BCAS3: variants seen among roughly 807,000 people sequenced by gnomAD.
BCAS3 encodes the protein BCAS3 microtubule associated cell migration factor.
In BCAS3, 53 loss-of-function variants were observed where a neutral mutation model predicts 116.1. The ratio of observed to expected loss-of-function variants is 0.46; its 90% CI spans 0.37 to 0.57. The LOEUF (loss-of-function observed/expected upper bound fraction) is 0.57, where lower values mean the gene tolerates loss of function less well. Among genes scored for constraint, BCAS3 ranks in the 20% least tolerant of loss-of-function variants. BCAS3 has a pLI of 0.00. For missense variants in BCAS3, 917 were observed against 1,165.4 expected, an observed-to-expected ratio of 0.79 and a Z score of 3.10; for synonymous variants, 391 against 408.2, an observed-to-expected ratio of 0.96 and a Z score of 0.51.
Position 61,213,359 on chromosome 17 carries a change from G to A in BCAS3, c.2425+128795G>A, listed in dbSNP as rs927928345. ...TAATTTTTGTATTTTTAGTAGAAAC[G>A]GGGTTTCACCAGCTTGGCCAGGCTG... On this transcript the variant is annotated intron_variant, in intron 22 of 23. Transcript: ENST00000407086. The surrounding 1 kb of genome is among the most constrained non-coding windows in gnomAD (Gnocchi z 5.4). 1.3e-5 allele frequency among the ~76,000 whole-genome samples: 2 copies of A among 151,884 alleles called. No individual in the cohort carries two copies. The highest frequency in any genetic ancestry group is 6.6e-5 in the Admixed American group (1 of 15,246).
chr17:61,080,651 T>A (rs771823627), intron 21 of BCAS3, among the ~76,000 whole-genome samples: 1 of 152,020 alleles, frequency 6.6e-6, no homozygotes, highest in Non-Finnish European at 1.5e-5. Flanking sequence ...TCCCAGCTAC[T>A]CGGGAGGCTG....
rs547082068 is a variant in BCAS3 at position 60,964,629 on chromosome 17, A to G, written c.1221+17277A>G. 6.6e-6 allele frequency among the ~76,000 whole-genome samples: 1 copy of G among 152,144 alleles called. No individual in the cohort carries two copies. The highest frequency in any genetic ancestry group is 2.1e-4 in the South Asian group (1 of 4,818). ...TACAATTGGTATTAATTCTTCTTTA[A>G]ATGTTTGGTAGAATTCAGCAGTGAA... is the stretch of plus-strand genomic sequence containing the variant. On this transcript the variant is annotated intron_variant, in intron 14 of 23. Coordinates refer to ENST00000407086, the MANE Select transcript of BCAS3 (RefSeq NM_017679.5). The surrounding 1 kb of genome is among the most constrained non-coding windows in gnomAD (Gnocchi z 4.6).
chr17:61,333,743 C>G lies in BCAS3; in HGVS notation c.2426-34584C>G, dbSNP rs1735758632. On this transcript the variant is annotated intron_variant, in intron 22 of 23. Transcript: ENST00000407086. The surrounding 1 kb of genome is among the most constrained non-coding windows in gnomAD (Gnocchi z 4.8). Reference sequence around the variant, plus strand: ...TCAAGCGATTCTCCTGCCTCAGCCTCCCGAGTAGCTGGGATTACAGGGGCA... The same window carrying G: ...TCAAGCGATTCTCCTGCCTCAGCCTGCCGAGTAGCTGGGATTACAGGGGCA... 6.6e-6 allele frequency among the ~76,000 whole-genome samples: 1 copy of G among 151,898 alleles called. No individual in the cohort carries two copies. Among genetic ancestry groups the G allele is most frequent in the African/African-American group, 2.4e-5 (1 of 41,324 alleles).
At chr17:61,321,599 C>G (rs1323639102) in intron 22 of BCAS3, among the ~76,000 whole-genome samples, 2 of 152,248 alleles carry the variant, frequency 1.3e-5, no homozygotes, top group Non-Finnish European at 2.9e-5. Flanking sequence ...TGCTTGTGCC[C>G]TTATCCCTTC....
rs1603232888 is a variant in BCAS3, at chr17:61,390,529, G to T, written c.2594-1448G>T. The stretch of plus-strand genomic sequence containing the variant: ...CAGTGAACTGTCCCACCGAGACCCC[G>T]GCGACAGACTCGGCTGATGGATCCC... On this transcript the variant is annotated intron_variant, in intron 23 of 23. Transcript: ENST00000407086. This position sits in a 1 kb window ranked among gnomAD's most constrained non-coding sequence, Gnocchi z 6.8. The T allele has an allele frequency of 6.6e-6, 1 of 151,656 alleles. No homozygotes were observed. The highest frequency in any genetic ancestry group is 6.6e-5 in the Admixed American group (1 of 15,204). 9.4% of individuals were successfully genotyped at this position (151,656 alleles called of 1,614,324 possible).
rs75939188 is a variant in BCAS3 at position 61,206,006 on chromosome 17, C to G, written c.2425+121442C>G. On this transcript the variant is annotated intron_variant, in intron 22 of 23. Coordinates refer to ENST00000407086, the MANE Select transcript of BCAS3 (RefSeq NM_017679.5). ...TGAACTTTTTTCCCAACTGAAGAGT[C>G]AACTGAGATGAGTAATAAGCACACT... is the stretch of plus-strand genomic sequence containing the variant. Among the ~76,000 whole-genome samples, 655 of 152,282 alleles carry G rather than the reference C, an allele frequency of 4.3e-3. 6 individuals are homozygous for G. The highest frequency in any genetic ancestry group is 0.015 in the African/African-American group (616 of 41,568).
chr17:61,291,631 A>C (rs369425795), intron 22 of BCAS3, among the ~76,000 whole-genome samples: 1 of 152,154 alleles, frequency 6.6e-6, no homozygotes, highest in Admixed American at 6.5e-5. Context: ...TGAAGGTATC[A>C]CCTCTGCAGG....
rs1242749619 is a variant in BCAS3 at position 61,327,656 on chromosome 17, T to G, written c.2426-40671T>G. ...TCCCGAGTAGCTGGGATTACAGGCA[T>G]GTACCACCAAACCCCACTAATTTTT... On this transcript the variant is annotated intron_variant, in intron 22 of 23. Transcript: ENST00000407086. The surrounding 1 kb of genome is among the most constrained non-coding windows in gnomAD (Gnocchi z 5.9). Among the ~76,000 whole-genome samples the G allele has an allele frequency of 1.3e-5, 2 of 152,138 alleles. No individual in the cohort carries two copies. Among genetic ancestry groups the G allele is most frequent in the African/African-American group, 4.8e-5 (2 of 41,436 alleles).
rs75922369 is a variant in BCAS3 at position 60,810,933 on chromosome 17, T to C, written c.476+2857T>C. 2,354 of 690,580 alleles carry C rather than the reference T, an allele frequency of 3.4e-3. 69 individuals carry two copies. In the East Asian group the frequency reaches 0.058, roughly 17 times the overall value. The allele number at this position is 690,580 out of a possible 1,614,324, so 42.8% of individuals were successfully genotyped here. On this transcript the variant is annotated intron_variant, in intron 7 of 23. Transcript: ENST00000407086. ...TCATGGCAGACATCTGGGCCCAATATGACGAACTGGCTCAGAAGAACCAAG... is the reference window on the plus strand; with the variant it reads ...TCATGGCAGACATCTGGGCCCAATACGACGAACTGGCTCAGAAGAACCAAG...
At position 61,281,800 on chromosome 17, in the gene BCAS3, A is replaced by G. The variant is rs2051270421; in HGVS notation, c.2426-86527A>G. Among the ~76,000 whole-genome samples the G allele has an allele frequency of 6.6e-6, 1 of 152,008 alleles. No homozygotes were observed. Among genetic ancestry groups the G allele is most frequent in the African/African-American group, 2.4e-5 (1 of 41,390 alleles). On this transcript the variant is annotated intron_variant, in intron 22 of 23. Coordinates refer to ENST00000407086, the MANE Select transcript of BCAS3 (RefSeq NM_017679.5). This position sits in a 1 kb window ranked among gnomAD's most constrained non-coding sequence, Gnocchi z 4.2. ...AAATTTTAAATTTTATGTGTTTATC[A>G]ATAATTTCTGGGGTTTGTATCATAT...
Position 61,203,122 on chromosome 17 carries a change from G to A in BCAS3, c.2425+118558G>A, listed in dbSNP as rs550110899. On this transcript the variant is annotated intron_variant, in intron 22 of 23. Coordinates refer to ENST00000407086, the MANE Select transcript of BCAS3 (RefSeq NM_017679.5). This position sits in a 1 kb window ranked among gnomAD's most constrained non-coding sequence, Gnocchi z 5.7. The stretch of plus-strand genomic sequence containing the variant: ...ATGTGTAGCTCCTAGATCTAAAAGG[G>A]AATAGTTTTTTCCCCTCACAATTTC... 1.3e-5 allele frequency among the ~76,000 whole-genome samples: 2 copies of A among 152,044 alleles called. No homozygotes were observed. The highest frequency in any genetic ancestry group is 3.9e-4 in the East Asian group (2 of 5,182).
In BCAS3 at chr17:61,367,332, G is replaced by A. The variant is rs982908534; in HGVS notation, c.2426-995G>A. ...CAGAGCGTGACTATAATCTCCTTCC[G>A]AGAGAGAGTGGATGAAATAAGCTTT... On this transcript the variant is annotated intron_variant, in intron 22 of 23. Transcript: ENST00000407086. The surrounding 1 kb of genome is among the most constrained non-coding windows in gnomAD (Gnocchi z 6.2). 5.3e-5 allele frequency among the ~76,000 whole-genome samples: 8 copies of A among 152,206 alleles called. No homozygotes were observed. Among genetic ancestry groups the A allele is most frequent in the African/African-American group, 1.9e-4 (8 of 41,454 alleles).
At position 60,734,076 on chromosome 17, in the gene BCAS3, T is replaced by TA. The variant is rs138155207; in HGVS notation, c.322-13121dup. ...TGGTGTATCAAAAAAGTCATCACTA[T>TA]ACCCAGTATCATCTAGGTTTTCTCC... On this transcript the variant is annotated intron_variant, in intron 5 of 23. Coordinates refer to ENST00000407086, the MANE Select transcript of BCAS3 (RefSeq NM_017679.5). Among the ~76,000 whole-genome samples, 1,481 of 152,296 alleles carry TA rather than the reference T, an allele frequency of 9.7e-3. 22 individuals are homozygous for TA. Among genetic ancestry groups the TA allele is most frequent in the African/African-American group, 0.034 (1,407 of 41,556 alleles).
chr17:61,176,911 A>G (rs1359602032), intron 22 of BCAS3, among the ~76,000 whole-genome samples: 1 of 152,142 alleles, frequency 6.6e-6, no homozygotes, highest in African/African-American at 2.4e-5. Flanking sequence ...AGATTTCACC[A>G]AAGAAGATCT....
Position 61,151,906 on chromosome 17 carries a change from G to C in BCAS3, c.2425+67342G>C, listed in dbSNP as rs2077562095. Among the ~76,000 whole-genome samples the C allele has an allele frequency of 6.6e-6, 1 of 152,166 alleles. No individual in the cohort carries two copies. Among genetic ancestry groups the C allele is most frequent in the Admixed American group, 6.5e-5 (1 of 15,280 alleles). ...CTAAAATGCACCAGACTTACTATAA[G>C]AAGTATGGCAAGCACCAGCTCCACA... On this transcript the variant is annotated intron_variant, in intron 22 of 23. Transcript: ENST00000407086. The surrounding 1 kb of genome is among the most constrained non-coding windows in gnomAD (Gnocchi z 4.8).
At position 61,084,524 on chromosome 17, in the gene BCAS3, T is replaced by A; in HGVS notation, c.2385T>A (p.Ser795=). 6.2e-7 allele frequency: 1 copy of A among 1,614,168 alleles called. No homozygotes were observed. The highest frequency in any genetic ancestry group is 8.5e-7 in the Non-Finnish European group (1 of 1,180,016). The change falls in exon 22 of 24, where the codon TCT becomes TCA. Residue 795 remains serine (S), a synonymous_variant. Transcript: ENST00000407086. The surrounding 1 kb of genome is among the most constrained non-coding windows in gnomAD (Gnocchi z 5.5). The stretch of plus-strand genomic sequence containing the variant: ...TGCCAGGGTCATCCCGTCCAGTCTC[T>A]GATCGAAGGGGAGTTTCCACAGTGA... ...VSMPGSSRPV[S]DRRGVSTVID... is the part of the protein sequence containing the mutation.
rs2071595215 is a variant in BCAS3 at position 61,073,140 on chromosome 17, G to T, written c.2030-1780G>T. On this transcript the variant is annotated intron_variant, in intron 19 of 23. Transcript: ENST00000407086. The surrounding 1 kb of genome is among the most constrained non-coding windows in gnomAD (Gnocchi z 4.6). The stretch of plus-strand genomic sequence containing the variant: ...TTTCCAAAAGAATGCTGAAATAATA[G>T]TTATTGTGATATTCTTTTCTTCTTG... 1.3e-5 allele frequency among the ~76,000 whole-genome samples: 2 copies of T among 152,130 alleles called. No individual in the cohort carries two copies. The highest frequency in any genetic ancestry group is 4.8e-5 in the African/African-American group (2 of 41,422).
chr17:60,706,760 A>AAAAACAAAAC (rs148173954), intron 4 of BCAS3, among the ~76,000 whole-genome samples: 1 of 150,812 alleles, frequency 6.6e-6, no homozygotes, highest in African/African-American at 2.5e-5. Context: ...CTCTGTCTCA[A>AAAAACAAAAC]AAAACAAAAC....
chr17:60,745,977 A>C (rs2041983190), intron 5 of BCAS3, among the ~76,000 whole-genome samples: 1 of 152,154 alleles, frequency 6.6e-6, no homozygotes, highest in South Asian at 2.1e-4. Context: ...GATTTATAGT[A>C]ATATTGTAAG....
Sources: allele counts gnomAD v4.1 joint callset (sites outside exome capture counted in the v4.1 genomes callset), GRCh38; gene constraint gnomAD v4.1.1; non-coding constraint Gnocchi (gnomAD v3.1); transcripts MANE v1.5; gene names NCBI Gene and HGNC (gene_info 2026-07-23, HGNC 2026-07-21).